The following ZNF827 variants were observed in gnomAD, a reference collection of about 807,000 sequenced individuals.
ZNF827 encodes the protein zinc finger protein 827.
Under a neutral mutation model 102.4 loss-of-function variants are expected in ZNF827, and 13 were observed. The ratio of observed to expected loss-of-function variants is 0.13; its 90% CI spans 0.08 to 0.20. The LOEUF is 0.20. Among genes scored for constraint, ZNF827 ranks in the 10% least tolerant of loss-of-function variants. The pLI is 1.00. For synonymous variants in ZNF827, 523 were observed against 536.2 expected, an observed-to-expected ratio of 0.98 and a Z score of 0.34; for missense variants, 1,103 against 1,344.4, an observed-to-expected ratio of 0.82 and a Z score of 2.81.
intron 1 of ZNF827, among the ~76,000 whole-genome samples, chr4:145,909,138 C>T (rs970009539): frequency 1.9e-4 from 29 of 152,248 alleles, no homozygotes; most frequent in Admixed American, 3.9e-4. Context: ...CAAAGGTAGA[C>T]CTTACCAACT....
At chr4:145,931,670 ACT>A (rs1376453376) in intron 1 of ZNF827, among the ~76,000 whole-genome samples, 2 of 152,194 alleles carry the variant, frequency 1.3e-5, no homozygotes, top group East Asian at 1.9e-4. Flanking sequence ...GCTCCAGCCT[ACT>A]CTGTTTGTTT....
intron 8 of ZNF827, among the ~76,000 whole-genome samples, chr4:145,800,653 C>T (rs758854605): frequency 1.6e-4 from 24 of 152,320 alleles, no homozygotes; most frequent in African/African-American, 2.9e-4. Context: ...TGTTTCTCAA[C>T]GTCAGCACTA....
chr4:145,916,838 G>A lies in ZNF827; in HGVS notation c.44-13623C>T, dbSNP rs547279412. ...ATTTCTCTCAAGAGATACCCTAGTTGATGGCTCTTAAATTCTGCCTTCCTA... is the reference window on the plus strand; with the variant it reads ...ATTTCTCTCAAGAGATACCCTAGTTAATGGCTCTTAAATTCTGCCTTCCTA... On this transcript the variant is annotated intron_variant, in intron 1 of 14. Coordinates refer to ENST00000508784, the MANE Select transcript of ZNF827 (RefSeq NM_001306215.2). 2.7e-3 allele frequency among the ~76,000 whole-genome samples: 418 copies of A among 152,248 alleles called. 3 individuals are homozygous for A. The highest frequency in any genetic ancestry group is 8.4e-3 in the African/African-American group (351 of 41,544).
At chr4:145,878,656 AAAGGGAGAGAGAGAAAGGAAGG>A (rs1749387294) in intron 4 of ZNF827, among the ~76,000 whole-genome samples, 1 of 113,834 alleles carries the variant, frequency 8.8e-6, no homozygotes, top group Non-Finnish European at 1.8e-5. Context: ...AAAGGAAAGG[AAAGGGAGAGAGAGAAAGGAAGG>A]AAGGGAGAGA....
intron 5 of ZNF827, among the ~76,000 whole-genome samples, chr4:145,865,747 A>T (rs1204856902): frequency 6.6e-6 from 1 of 152,168 alleles, no homozygotes; most frequent in South Asian, 2.1e-4. Flanking sequence ...TGTGGTTCGC[A>T]TGTATTGTTC....
intron 6 of ZNF827, among the ~76,000 whole-genome samples, chr4:145,846,815 TCAAA>T (rs796223016): frequency 3.9e-4 from 55 of 141,670 alleles, no homozygotes; most frequent in Middle Eastern, 0.01. Context: ...AGACTCTGTC[TCAAA>T]CAAACAAACA....
chr4:145,851,624 T>A (rs1295782245), intron 5 of ZNF827, among the ~76,000 whole-genome samples: 1 of 152,176 alleles, frequency 6.6e-6, no homozygotes, highest in African/African-American at 2.4e-5. Flanking sequence ...ATATTACACA[T>A]GCTTCTCAGG....
chr4:145,881,278 CTAAAAG>C (rs1326986649), intron 4 of ZNF827, among the ~76,000 whole-genome samples: 1 of 152,190 alleles, frequency 6.6e-6, no homozygotes, highest in Non-Finnish European at 1.5e-5. Context: ...CTCTGTGAGG[CTAAAAG>C]TAAGTTAGTG....
chr4:145,838,948 T>G (rs1203539748), intron 7 of ZNF827, among the ~76,000 whole-genome samples: 1 of 152,194 alleles, frequency 6.6e-6, no homozygotes, highest in Non-Finnish European at 1.5e-5. Flanking sequence ...GGGACAATTG[T>G]AAAAGACACA....
intron 3 of ZNF827, among the ~76,000 whole-genome samples, chr4:145,888,846 T>G (rs10006310): frequency 0.45 from 67,536 of 151,728 alleles, 15,255 homozygotes; most frequent in Admixed American, 0.54. Flanking sequence ...CCCAAGGAAA[T>G]CTGGAGGCCT....
At chr4:145,885,347 C>T (rs115685090) in intron 4 of ZNF827, among the ~76,000 whole-genome samples, 420 of 152,088 alleles carry the variant, frequency 2.8e-3, no homozygotes, top group African/African-American at 9.8e-3. Flanking sequence ...CAATGTCACA[C>T]AAGCAACTGA....
At chr4:145,788,625 G>A (rs1739232636) in intron 8 of ZNF827, among the ~76,000 whole-genome samples, 1 of 152,048 alleles carries the variant, frequency 6.6e-6, no homozygotes, top group Non-Finnish European at 1.5e-5. Context: ...CTGTTGTACT[G>A]AACAGCAACC....
At chr4:145,937,218 G>T (rs1243804856) in intron 1 of ZNF827, among the ~76,000 whole-genome samples, 1 of 152,004 alleles carries the variant, frequency 6.6e-6, no homozygotes, top group Non-Finnish European at 1.5e-5. Flanking sequence ...GGCGGAGAGG[G>T]ACCGGGGGCG....
chr4:145,903,843 T>C (rs1259023085), intron 1 of ZNF827, among the ~76,000 whole-genome samples: 1 of 152,208 alleles, frequency 6.6e-6, no homozygotes, highest in Admixed American at 6.5e-5. Flanking sequence ...TTGAAAACAG[T>C]CAAGTACCGT....
chr4:145,764,678 T>C, intron 13 of ZNF827: 2 of 353,838 alleles, frequency 5.7e-6, no homozygotes, highest in Non-Finnish European at 1.1e-5. Flanking sequence ...TCCATTAAAA[T>C]CAAGTCTGAA....
intron 8 of ZNF827, among the ~76,000 whole-genome samples, chr4:145,782,682 A>G (rs1738267351): frequency 6.6e-6 from 1 of 152,092 alleles, no homozygotes; most frequent in South Asian, 2.1e-4. Context: ...CACAAATCTC[A>G]TCATGTCTTG....
intron 8 of ZNF827, among the ~76,000 whole-genome samples, chr4:145,787,324 G>A (rs772170268): frequency 3.9e-5 from 6 of 152,024 alleles, no homozygotes; most frequent in African/African-American, 4.8e-5. Context: ...TTAGCTGAGC[G>A]TGGTGGCGCG....
At chr4:145,864,552 C>T (rs1202738052) in intron 5 of ZNF827, among the ~76,000 whole-genome samples, 1 of 151,750 alleles carries the variant, frequency 6.6e-6, no homozygotes, top group East Asian at 1.9e-4. Flanking sequence ...TATGATCACA[C>T]CATTGCACTC....
At chr4:145,869,574 T>C (rs1464002403) in intron 5 of ZNF827, among the ~76,000 whole-genome samples, 1 of 152,192 alleles carries the variant, frequency 6.6e-6, no homozygotes, top group East Asian at 1.9e-4. Context: ...TGTTTTTACC[T>C]GTTTCAGAGA....
Sources: allele counts gnomAD v4.1 joint callset (sites outside exome capture counted in the v4.1 genomes callset), GRCh38; gene constraint gnomAD v4.1.1; transcripts MANE v1.5; gene names NCBI Gene and HGNC (gene_info 2026-07-23, HGNC 2026-07-21).